The following SYNE2 variants were observed in gnomAD, a reference collection of about 807,000 sequenced individuals.
SYNE2 encodes the protein spectrin repeat containing nuclear envelope protein 2, also known as nesprin-2.
A neutral mutation model predicts 856.3 loss-of-function variants in SYNE2; 431 were observed. The ratio of observed to expected loss-of-function variants is 0.50; its 90% CI spans 0.47 to 0.55. The LOEUF is 0.55. SYNE2 is among the 20% of genes least tolerant of loss of function. SYNE2 has a pLI of 0.00. For synonymous variants in SYNE2, 2,923 were observed against 2,872.3 expected (o/e 1.02, Z -0.56); for missense variants, 8,129 against 8,023.2 (o/e 1.01, Z -0.50).
At chr14:64,074,212 T>C in intron 53 of SYNE2, 76 bp downstream of exon 53, 1 of 1,467,586 alleles carries the variant, frequency 6.8e-7, no homozygotes, top group Non-Finnish European at 9.5e-7. Flanking sequence ...GGGGTAGAGA[T>C]AACTCAGTGG....
At chr14:63,767,561 C>G (rs963888109) in intron 1 of SYNE2, among the ~76,000 whole-genome samples, 3 of 151,890 alleles carry the variant, frequency 2.0e-5, no homozygotes. Context: ...ATTGGGATGC[C>G]GTGGCCACAC....
At chr14:64,121,354 C>G (rs1374000375) in intron 68 of SYNE2, among the ~76,000 whole-genome samples, 1 of 151,954 alleles carries the variant, frequency 6.6e-6, no homozygotes, top group Non-Finnish European at 1.5e-5. Context: ...AACCCTAGCT[C>G]TACTAAAAAT....
At chr14:63,844,113 G>A (rs1890154552) in intron 1 of SYNE2, among the ~76,000 whole-genome samples, 2 of 152,318 alleles carry the variant, frequency 1.3e-5, no homozygotes, top group South Asian at 4.1e-4. Context: ...ATGATGACAT[G>A]TATTCACCAT....
intron 89 of SYNE2, among the ~76,000 whole-genome samples, chr14:64,164,868 G>T (rs1263386195): frequency 5.3e-5 from 8 of 150,300 alleles, no homozygotes; most frequent in African/African-American, 1.5e-4. Context: ...TTTATTTTTT[G>T]TTTTTTTTTG....
intron 30 of SYNE2, among the ~76,000 whole-genome samples, chr14:64,004,477 G>A (rs542298210): frequency 3.5e-4 from 53 of 150,732 alleles, no homozygotes; most frequent in Non-Finnish European, 6.7e-4. Flanking sequence ...TTACAGGCAC[G>A]CGCCACCACG....
At chr14:63,834,803 G>A (rs1182509239) in intron 1 of SYNE2, among the ~76,000 whole-genome samples, 1 of 151,542 alleles carries the variant, frequency 6.6e-6, no homozygotes, top group African/African-American at 2.4e-5. Context: ...ATCACACCCA[G>A]CTAATTTTTG....
chr14:64,095,874 C>G (rs1226790765), intron 61 of SYNE2, among the ~76,000 whole-genome samples: 15 of 152,062 alleles, frequency 9.9e-5, no homozygotes, highest in Non-Finnish European at 2.9e-5. Flanking sequence ...GGAGGTGTGG[C>G]CTTTGGGAGG....
chr14:63,999,542 A>C (rs1398902767), intron 27 of SYNE2, among the ~76,000 whole-genome samples: 1 of 152,126 alleles, frequency 6.6e-6, no homozygotes, highest in African/African-American at 2.4e-5. Flanking sequence ...GGGAGTTTTC[A>C]CTCTAAATGA....
chr14:63,848,031 C>T (rs1046598781), upstream of SYNE2, among the ~76,000 whole-genome samples: 2 of 152,194 alleles, frequency 1.3e-5, no homozygotes, highest in South Asian at 2.1e-4. Context: ...GGATTACAGG[C>T]GCTCACCACC....
intron 1 of SYNE2, chr14:63,864,366 C>T (rs1429720102): frequency 6.6e-6 from 1 of 152,142 alleles, no homozygotes; most frequent in Non-Finnish European, 1.5e-5. Flanking sequence ...TGATTATATT[C>T]CCTTGTGAGC....
chr14:63,861,319 A>G (rs920577834), intron 1 of SYNE2, among the ~76,000 whole-genome samples: 3 of 151,390 alleles, frequency 2.0e-5, no homozygotes, highest in East Asian at 2.0e-4. Context: ...TAATTTTTGT[A>G]TTTTTAGTAG....
chr14:63,919,996 TAAGAGGTACTA>T (rs2095580162), intron 2 of SYNE2, among the ~76,000 whole-genome samples: 2 of 145,692 alleles, frequency 1.4e-5, no homozygotes, highest in African/African-American at 5.1e-5. Context: ...TTTTTTAAGG[TAAGAGGTACTA>T]TTTCATTTCT....
chr14:63,990,792 A>T, intron 20 of SYNE2, 150 bp from the exon 21 acceptor site: 1 of 769,388 alleles, frequency 1.3e-6, no homozygotes, highest in Non-Finnish European at 2.2e-6. Context: ...ATCTAAATTT[A>T]GATAGATTTA....
At chr14:63,986,018 G>C (rs531765505) in intron 18 of SYNE2, among the ~76,000 whole-genome samples, 1 of 152,226 alleles carries the variant, frequency 6.6e-6, no homozygotes, top group African/African-American at 2.4e-5. Flanking sequence ...GAAGAAAAAA[G>C]TTATTATTGT....
chr14:64,108,686 C>A (rs936182427), intron 65 of SYNE2, among the ~76,000 whole-genome samples: 21 of 151,928 alleles, frequency 1.4e-4, no homozygotes, highest in Admixed American at 1.2e-3. Flanking sequence ...TCTAGTCTTA[C>A]AAAAATATCT....
In SYNE2 at chr14:64,225,914, C is replaced by CATT; in HGVS notation, c.*389_*391dup. ...CATATATTATAGAAGCAAGCGAGGACATTCCACCCTAGAAATGGTTCAGAA... is the reference window on the plus strand; with the variant it reads ...CATATATTATAGAAGCAAGCGAGGACATTATTCCACCCTAGAAATGGTTCAGAA... On this transcript the variant is annotated 3_prime_UTR_variant, in exon 116 of 116. Coordinates refer to ENST00000555002, the MANE Select transcript of SYNE2 (RefSeq NM_182914.3). 2 of 417,634 alleles carry CATT rather than the reference C, an allele frequency of 4.8e-6. No homozygotes were observed. Among genetic ancestry groups the CATT allele is most frequent in the South Asian group, 7.7e-5 (2 of 25,958 alleles). The allele number at this position is 417,634 out of a possible 1,614,324, so 25.9% of individuals were successfully genotyped here. A position where few individuals can be genotyped will look rare whatever the true frequency, so the allele number is the denominator to read the frequency against.
At chr14:64,104,211 C>A (rs374036458) in intron 64 of SYNE2, among the ~76,000 whole-genome samples, 1 of 152,164 alleles carries the variant, frequency 6.6e-6, no homozygotes, top group South Asian at 2.1e-4. Flanking sequence ...CCATTGACTT[C>A]TGGAGTACAA....
chr14:64,199,729 A>AT (rs2098553911), intron 99 of SYNE2, among the ~76,000 whole-genome samples: 5 of 145,040 alleles, frequency 3.4e-5, no homozygotes, highest in African/African-American at 1.1e-4. Context: ...AAAAAAAAAA[A>AT]AAAAAAAGTA....
intron 83 of SYNE2, 25 bp downstream of exon 83, chr14:64,143,973 T>C (rs975880886): frequency 2.5e-6 from 4 of 1,613,720 alleles, no homozygotes; most frequent in Non-Finnish European, 3.4e-6. Context: ...CACAACTGGA[T>C]GTGTGGTTTG....
Sources: allele counts gnomAD v4.1 joint callset (sites outside exome capture counted in the v4.1 genomes callset), GRCh38; gene constraint gnomAD v4.1.1; transcripts MANE v1.5; gene names NCBI Gene and HGNC (gene_info 2026-07-23, HGNC 2026-07-21).